The following KANK1 variants were observed in gnomAD, a reference collection of about 807,000 sequenced individuals.
The protein encoded by KANK1 is KN motif and ankyrin repeat domain-containing protein 1.
Under a neutral mutation model 106.2 loss-of-function variants are expected in KANK1, and 109 were observed. The ratio of observed to expected loss-of-function variants is 1.03; its 90% CI spans 0.88 to 1.20. KANK1 has a LOEUF of 1.20. Among genes scored for constraint, KANK1 ranks in the 50% most tolerant of loss-of-function variants. KANK1 has a pLI of 0.00. For synonymous variants in KANK1, 873 were observed against 652.2 expected, an observed-to-expected ratio of 1.34 and a Z score of -5.16; for missense variants, 2,399 against 1,710.7, an observed-to-expected ratio of 1.40 and a Z score of -7.10.
intron 1 of KANK1, among the ~76,000 whole-genome samples, chr9:572,599 C>G (rs1587924549): frequency 1.3e-5 from 2 of 152,036 alleles, no homozygotes; most frequent in Non-Finnish European, 2.9e-5. Context: ...ATATGTTGCC[C>G]AGGCTGGTCT....
In KANK1 at chr9:732,052, TG is replaced by T. The variant is rs373669083; in HGVS notation, c.3006-317del. ...TAGGATGAAATAGGAAGACATGGGG[TG>T]GGGGGGGGACAAAAAGCACCTACCG... is the stretch of plus-strand genomic sequence containing the variant. On this transcript the variant is annotated intron_variant, in intron 5 of 11. Coordinates refer to ENST00000382297, the MANE Select transcript of KANK1 (RefSeq NM_015158.5). The T allele has an allele frequency of 3.3e-3, 564 of 171,504 alleles. 2 individuals carry two copies. Among genetic ancestry groups the T allele is most frequent in the African/African-American group, 7.0e-3 (266 of 37,988 alleles). The allele number at this position is 171,504 out of a possible 1,614,324, so 10.6% of individuals were successfully genotyped here. A position where few individuals can be genotyped will look rare whatever the true frequency, so the allele number is the denominator to read the frequency against.
intron 1 of KANK1, among the ~76,000 whole-genome samples, chr9:580,285 C>A (rs2641972): frequency 0.29 from 44,190 of 152,084 alleles, 6,831 homozygotes; most frequent in African/African-American, 0.36. Context: ...GCAGACCTTC[C>A]TGGTGTTACA....
At chr9:510,700 A>G (rs7850873) in intron 1 of KANK1, among the ~76,000 whole-genome samples, 24,242 of 152,210 alleles carry the variant, frequency 0.16, 3,491 homozygotes, top group African/African-American at 0.39. Context: ...CCGAAAATAA[A>G]TGAACTAATA....
chr9:481,902 A>G (rs966784107), intron 3 of KANK1, among the ~76,000 whole-genome samples: 1 of 152,094 alleles, frequency 6.6e-6, no homozygotes, highest in African/African-American at 2.4e-5. Context: ...AGGAGGATAG[A>G]GTTGTTAGAT....
At chr9:730,673 A>C in intron 4 of KANK1, 1 of 193,470 alleles carries the variant, frequency 5.2e-6, no homozygotes, top group East Asian at 1.6e-4. Context: ...AGCCTGGGTG[A>C]CAGAAAGAGG....
At chr9:630,858 G>C (rs1025133891) in intron 1 of KANK1, among the ~76,000 whole-genome samples, 2 of 152,028 alleles carry the variant, frequency 1.3e-5, no homozygotes, top group Admixed American at 6.6e-5. Context: ...GGGAGGCTGA[G>C]GCACGAGAAT....
chr9:724,312 T>C (rs1325264577), intron 3 of KANK1, among the ~76,000 whole-genome samples: 2 of 152,182 alleles, frequency 1.3e-5, no homozygotes, highest in Admixed American at 6.5e-5. Context: ...GAGGGAGTTA[T>C]CAGGGAAACC....
chr9:496,499 G>A (rs915493302), intron 3 of KANK1, among the ~76,000 whole-genome samples: 4 of 152,224 alleles, frequency 2.6e-5, no homozygotes, highest in Admixed American at 6.5e-5. Flanking sequence ...GGACGTTGCA[G>A]TGAGCTGAGA....
intron 3 of KANK1, among the ~76,000 whole-genome samples, chr9:728,901 C>G (rs1000044609): frequency 1.3e-5 from 2 of 152,200 alleles, no homozygotes; most frequent in Non-Finnish European, 2.9e-5. Flanking sequence ...CCTTTCTAAA[C>G]TAGTGTATAC....
At chr9:734,719 C>G (rs201204789) in intron 6 of KANK1, 29 bp from the exon 7 acceptor site, 2 of 1,452,944 alleles carry the variant, frequency 1.4e-6, no homozygotes, top group East Asian at 4.5e-5. Context: ...TTCTTGTGAC[C>G]AATCGTAACT....
chr9:725,960 G>A (rs1171041763), intron 3 of KANK1, among the ~76,000 whole-genome samples: 2 of 152,066 alleles, frequency 1.3e-5, no homozygotes, highest in Non-Finnish European at 2.9e-5. Context: ...GTATAATTTA[G>A]GAAATACTAG....
At chr9:691,916 A>C (rs1820037968) in intron 2 of KANK1, among the ~76,000 whole-genome samples, 1 of 151,722 alleles carries the variant, frequency 6.6e-6, no homozygotes, top group Non-Finnish European at 1.5e-5. Flanking sequence ...CATGCCCCCC[A>C]AAAAGGGTTC....
At chr9:616,305 C>T (rs1287017675) in intron 1 of KANK1, among the ~76,000 whole-genome samples, 1 of 152,172 alleles carries the variant, frequency 6.6e-6, no homozygotes, top group African/African-American at 2.4e-5. Context: ...TTAGGTGATA[C>T]TGTATCAACT....
At chr9:615,444 G>A (rs2136244688) in intron 1 of KANK1, among the ~76,000 whole-genome samples, 1 of 152,168 alleles carries the variant, frequency 6.6e-6, no homozygotes, top group Non-Finnish European at 1.5e-5. Context: ...TACCTGTGAT[G>A]GTTTGAGTAC....
chr9:667,294 T>A (rs558135742), intron 1 of KANK1, among the ~76,000 whole-genome samples: 2 of 152,168 alleles, frequency 1.3e-5, no homozygotes, highest in African/African-American at 4.8e-5. Context: ...TGTTTCTGAT[T>A]TTATTTATTT....
chr9:536,664 G>C (rs920623991), intron 1 of KANK1, among the ~76,000 whole-genome samples: 1 of 152,202 alleles, frequency 6.6e-6, no homozygotes, highest in African/African-American at 2.4e-5. Context: ...AGACTCATTA[G>C]ATTGGGTCCA....
intron 1 of KANK1, among the ~76,000 whole-genome samples, chr9:628,519 C>G (rs58845489): frequency 0.06 from 9,134 of 152,280 alleles, 746 homozygotes; most frequent in East Asian, 0.24. Context: ...GTGTCTGCCT[C>G]TGCTCGTCAC....
chr9:478,073 T>C, intron 3 of KANK1: 1 of 210,642 alleles, frequency 4.7e-6, no homozygotes, highest in Non-Finnish European at 9.6e-6. Flanking sequence ...CAGACTGAGG[T>C]GGTACTTTCT....
chr9:694,425 A>G (rs948781440), intron 2 of KANK1, among the ~76,000 whole-genome samples: 1 of 152,194 alleles, frequency 6.6e-6, no homozygotes, highest in African/African-American at 2.4e-5. Context: ...CTGTGCATGC[A>G]TGATTGATTT....
Sources: allele counts gnomAD v4.1 joint callset (sites outside exome capture counted in the v4.1 genomes callset), GRCh38; gene constraint gnomAD v4.1.1; transcripts MANE v1.5; gene names NCBI Gene and HGNC (gene_info 2026-07-23, HGNC 2026-07-21).